PPP3CA: variants seen among roughly 807,000 people sequenced by gnomAD.
The protein encoded by PPP3CA is protein phosphatase 3 catalytic subunit alpha.
In PPP3CA, 14 loss-of-function variants were observed where a neutral mutation model predicts 66.5. The observed-to-expected ratio is 0.21, with a 90% confidence interval of 0.14 to 0.33. PPP3CA has a LOEUF of 0.33. PPP3CA is among the 10% of genes least tolerant of loss of function. The pLI, the probability that PPP3CA is intolerant of heterozygous loss-of-function variation, is 1.00. For missense variants in PPP3CA, 317 were observed against 639.5 expected (o/e 0.50, Z 5.44); for synonymous variants, 232 against 226.2 (o/e 1.03, Z -0.23).
At chr4:101,121,867 C>T (rs1430490011) in intron 2 of PPP3CA, among the ~76,000 whole-genome samples, 1 of 152,050 alleles carries the variant, frequency 6.6e-6, no homozygotes, top group Admixed American at 6.6e-5. Flanking sequence ...AGCTAGTTAA[C>T]TGCTCCTGAT....
At chr4:101,155,165 A>C (rs541719172) in intron 2 of PPP3CA, among the ~76,000 whole-genome samples, 1 of 152,298 alleles carries the variant, frequency 6.6e-6, no homozygotes, top group Admixed American at 6.5e-5. Flanking sequence ...TAAAACATAC[A>C]AACAAACAAA....
chr4:101,273,077 A>G (rs1179505675), intron 1 of PPP3CA, among the ~76,000 whole-genome samples: 2 of 152,166 alleles, frequency 1.3e-5, no homozygotes, highest in African/African-American at 4.8e-5. Context: ...AAGGACAAGA[A>G]TTTTATAAAT....
chr4:101,026,317 G>A (rs1009849442), intron 13 of PPP3CA, among the ~76,000 whole-genome samples: 1 of 152,150 alleles, frequency 6.6e-6, no homozygotes, highest in African/African-American at 2.4e-5. Context: ...CATTTCTCCT[G>A]TCTTCATGAA....
intron 13 of PPP3CA, among the ~76,000 whole-genome samples, chr4:101,027,860 T>C (rs1726732988): frequency 2.0e-5 from 3 of 152,216 alleles, no homozygotes; most frequent in Admixed American, 2.0e-4. Flanking sequence ...TATGGAAGAA[T>C]GTGCTCTGCT....
chr4:101,151,866 C>G (rs916589078), intron 2 of PPP3CA, among the ~76,000 whole-genome samples: 1 of 151,784 alleles, frequency 6.6e-6, no homozygotes, highest in African/African-American at 2.4e-5. Flanking sequence ...CCATGTTAGC[C>G]AGGATGATCT....
intron 1 of PPP3CA, among the ~76,000 whole-genome samples, chr4:101,203,070 C>T (rs1470170504): frequency 6.6e-6 from 1 of 152,180 alleles, no homozygotes; most frequent in Admixed American, 6.5e-5. Flanking sequence ...TTATGGTACT[C>T]AAAGCACTTA....
At chr4:101,127,157 T>C (rs1722269889) in intron 2 of PPP3CA, among the ~76,000 whole-genome samples, 1 of 152,028 alleles carries the variant, frequency 6.6e-6, no homozygotes, top group South Asian at 2.1e-4. Context: ...TGTCAAAATA[T>C]CAGCTTTTGT....
chr4:101,191,620 T>C (rs951340932), intron 2 of PPP3CA, among the ~76,000 whole-genome samples: 1 of 152,188 alleles, frequency 6.6e-6, no homozygotes, highest in Admixed American at 6.5e-5. Context: ...GCCACATTGC[T>C]TCATAGTGAC....
At chr4:101,130,439 C>T (rs1194196315) in intron 2 of PPP3CA, among the ~76,000 whole-genome samples, 1 of 152,052 alleles carries the variant, frequency 6.6e-6, no homozygotes, top group Non-Finnish European at 1.5e-5. Flanking sequence ...AACCCTAAAA[C>T]ACATAATTGT....
rs948655080 is a variant in PPP3CA at position 101,223,977 on chromosome 4, T to A, written c.59-27861A>T. Among the ~76,000 whole-genome samples, 20 of 151,526 alleles carry A rather than the reference T, an allele frequency of 1.3e-4. No individual in the cohort carries two copies. In the Middle Eastern group the frequency reaches 0.01, roughly 77 times the overall value. Reference sequence around the variant, plus strand: ...AAACCATTCCAAGAGGGGAAAAAAATTAAAGGGAAAACAAAATTTGGGGCT... The same window carrying A: ...AAACCATTCCAAGAGGGGAAAAAAAATAAAGGGAAAACAAAATTTGGGGCT... On this transcript the variant is annotated intron_variant, in intron 1 of 13. Coordinates refer to ENST00000394854, the MANE Select transcript of PPP3CA (RefSeq NM_000944.5).
At chr4:101,026,190 C>A in intron 13 of PPP3CA, 129 bp from the exon 14 acceptor site, 1 of 726,146 alleles carries the variant, frequency 1.4e-6, no homozygotes, top group South Asian at 2.0e-5. Context: ...AACAAAGTGA[C>A]GGGACCTGCA....
chr4:101,332,492 C>A (rs1729419827), intron 1 of PPP3CA, among the ~76,000 whole-genome samples: 1 of 152,150 alleles, frequency 6.6e-6, no homozygotes, highest in Non-Finnish European at 1.5e-5. Context: ...GCCAACCTGC[C>A]TCCATGGAAT....
chr4:101,124,350 G>A (rs1194423193), intron 2 of PPP3CA, among the ~76,000 whole-genome samples: 1 of 152,086 alleles, frequency 6.6e-6, no homozygotes, highest in Non-Finnish European at 1.5e-5. Flanking sequence ...GCTGGGTGTG[G>A]TGGCTCATGC....
chr4:101,208,244 C>A (rs1054453950), intron 1 of PPP3CA, among the ~76,000 whole-genome samples: 6 of 152,110 alleles, frequency 3.9e-5, no homozygotes, highest in African/African-American at 1.4e-4. Context: ...CACACACACA[C>A]ACACAATCAG....
chr4:101,155,536 T>C lies in PPP3CA; in HGVS notation c.259+40380A>G, dbSNP rs946515585. Among the ~76,000 whole-genome samples, 8 of 152,152 alleles carry C rather than the reference T, an allele frequency of 5.3e-5. No homozygotes were observed. The South Asian group carries it at 1.7e-3, about 32-fold the overall frequency. ...TCAGAAAGCAGTATGACTCAGAGGG[T>C]AGCTAGCCTTTAAACTGAATCTTTG... On this transcript the variant is annotated intron_variant, in intron 2 of 13. Coordinates refer to ENST00000394854, the MANE Select transcript of PPP3CA (RefSeq NM_000944.5).
At chr4:101,126,366 T>C (rs559871369) in intron 2 of PPP3CA, among the ~76,000 whole-genome samples, 39 of 152,214 alleles carry the variant, frequency 2.6e-4, no homozygotes, top group African/African-American at 9.4e-4. Flanking sequence ...TCTTCGTTGA[T>C]TCAAATTCCT....
intron 1 of PPP3CA, among the ~76,000 whole-genome samples, chr4:101,301,201 T>C (rs562671027): frequency 1.3e-5 from 2 of 151,892 alleles, no homozygotes; most frequent in South Asian, 2.1e-4. Flanking sequence ...GACACTGACA[T>C]ACAAACTAGC....
intron 1 of PPP3CA, among the ~76,000 whole-genome samples, chr4:101,212,699 C>A (rs537003396): frequency 4.6e-5 from 7 of 152,128 alleles, no homozygotes; most frequent in Admixed American, 1.3e-4. Context: ...TTATCATGGG[C>A]AAATAGGAGA....
At chr4:101,299,964 G>T (rs561920492) in intron 1 of PPP3CA, among the ~76,000 whole-genome samples, 3 of 147,836 alleles carry the variant, frequency 2.0e-5, no homozygotes, top group African/African-American at 8.0e-5. Flanking sequence ...AATTTGCAAA[G>T]GTGATCAAGA....
Sources: gnomAD v4.1 joint callset for allele counts (sites outside exome capture counted in the v4.1 genomes callset) on GRCh38, gnomAD v4.1.1 for gene constraint, MANE v1.5 for transcripts, NCBI Gene and HGNC (gene_info 2026-07-23, HGNC 2026-07-21) for gene names.